The following PCBP2 variants were observed in gnomAD, a reference collection of about 807,000 sequenced individuals.
PCBP2 encodes the protein poly(rC)-binding protein 2.
In PCBP2, 4 loss-of-function variants were observed where a neutral mutation model predicts 50.1. The observed-to-expected ratio is 0.08, with a 90% CI of 0.04 to 0.18. PCBP2 has a LOEUF of 0.18. PCBP2 is among the 10% of genes least tolerant of loss of function. PCBP2 has a pLI of 1.00. For synonymous variants in PCBP2, 179 were observed against 168.0 expected (o/e 1.07, Z -0.51); for missense variants, 161 against 474.3 (o/e 0.34, Z 6.14).
intron 10 of PCBP2, among the ~76,000 whole-genome samples, chr12:53,466,195 C>T (rs982175415): frequency 6.6e-6 from 1 of 152,234 alleles, no homozygotes; most frequent in Non-Finnish European, 1.5e-5. Flanking sequence ...AGCACATTAG[C>T]TTCTCCTTTC....
intron 6 of PCBP2, chr12:53,459,867 C>T (rs1176348349): frequency 2.2e-6 from 1 of 454,340 alleles, no homozygotes; most frequent in East Asian, 7.0e-5. Flanking sequence ...CTCAGGCGAT[C>T]CTCTCATCTC....
chr12:53,463,794 C>T (rs777005964), intron 8 of PCBP2, among the ~76,000 whole-genome samples: 4 of 152,190 alleles, frequency 2.6e-5, no homozygotes, highest in Non-Finnish European at 5.9e-5. Flanking sequence ...TGGGGCTGGT[C>T]TGTTACAAGC....
intron 12 of PCBP2, chr12:53,468,241 C>T (rs1252956810): frequency 5.0e-6 from 1 of 200,934 alleles, no homozygotes; most frequent in African/African-American, 2.3e-5. Context: ...GAAGTCCCCT[C>T]ACCTGACTGC....
In PCBP2 at chr12:53,472,751, A is replaced by ATATG. The variant is rs774826746; in HGVS notation, c.1052+945_1052+948dup. Among the ~76,000 whole-genome samples, 5 of 152,244 alleles carry ATATG rather than the reference A, an allele frequency of 3.3e-5. No individual in the cohort carries two copies. The East Asian group carries it at 5.8e-4, about 18-fold the overall frequency. On this transcript the variant is annotated intron_variant, in intron 14 of 14. Transcript: ENST00000546463. ...TATTGTGCTTGTACTGACCATGTAT[A>ATATG]TATGCTATGGTTATTTAGTGCTAGC...
chr12:53,473,900 C>T (rs779554866), intron 14 of PCBP2, among the ~76,000 whole-genome samples: 3 of 151,828 alleles, frequency 2.0e-5, no homozygotes, highest in Non-Finnish European at 4.4e-5. Context: ...GTATCCCTTT[C>T]CTTTATGGAT....
chr12:53,465,475 G>A (rs1247735785), intron 9 of PCBP2, among the ~76,000 whole-genome samples: 1 of 152,134 alleles, frequency 6.6e-6, no homozygotes, highest in Admixed American at 6.6e-5. Context: ...GTTGGAGAAA[G>A]GGAAGTGTTT....
At position 53,452,331 on chromosome 12, in the gene PCBP2, CT is replaced by C; in HGVS notation, c.-119del. The C allele has an allele frequency of 6.9e-6, 1 of 144,774 alleles. No homozygotes were observed. The highest frequency in any genetic ancestry group is 2.6e-5 in the African/African-American group (1 of 38,888). 9.0% of individuals were successfully genotyped at this position (144,774 alleles called of 1,614,324 possible). A position where few individuals can be genotyped will look rare whatever the true frequency, so the allele number is the denominator to read the frequency against. ...CCGCCCCCGGCCTCCCGCCCTTCCC[CT>C]TCCCGCCCGCTCCCCTTTTCCCCTC... On this transcript the variant is annotated 5_prime_UTR_variant, in exon 1 of 15. Coordinates refer to ENST00000546463, the MANE Select transcript of PCBP2 (RefSeq NM_031989.5).
At position 53,480,415 on chromosome 12, in the gene PCBP2, G is replaced by A. The variant is rs547080417; in HGVS notation, c.*973G>A. On this transcript the variant is annotated 3_prime_UTR_variant, in exon 15 of 15. Coordinates refer to ENST00000546463, the MANE Select transcript of PCBP2 (RefSeq NM_031989.5). ...CAGGAGAACTTCTCCAGACACCTCA[G>A]ATAAAGTCCGGAGCCCAAGGCTTTA... 6.6e-6 allele frequency: 1 copy of A among 152,608 alleles called. No individual in the cohort carries two copies. Among genetic ancestry groups the A allele is most frequent in the Non-Finnish European group, 1.5e-5 (1 of 68,020 alleles). 9.5% of individuals were successfully genotyped at this position (152,608 alleles called of 1,614,324 possible). A position where few individuals can be genotyped will look rare whatever the true frequency, so the allele number is the denominator to read the frequency against.
intron 8 of PCBP2, among the ~76,000 whole-genome samples, chr12:53,462,808 TAA>T (rs1028114200): frequency 2.0e-5 from 3 of 152,170 alleles, no homozygotes; most frequent in Non-Finnish European, 2.9e-5. Context: ...GGTTAGAATA[TAA>T]GAGTTGAATT....
At chr12:53,474,950 C>T (rs1191173992) in intron 14 of PCBP2, 2 of 456,770 alleles carry the variant, frequency 4.4e-6, no homozygotes, top group Non-Finnish European at 8.8e-6. Flanking sequence ...CTCAACCCTC[C>T]ACCCCTTCTT....
rs915166186 is a variant in PCBP2 at position 53,480,888 on chromosome 12, C to G, written c.*1446C>G. 6 of 148,898 alleles carry G rather than the reference C, an allele frequency of 4.0e-5. No homozygotes were observed. The highest frequency in any genetic ancestry group is 4.0e-4 in the Admixed American group (6 of 14,892). The allele number at this position is 148,898 out of a possible 1,614,324, so 9.2% of individuals were successfully genotyped here. ...TATTTGGGGATAAAGAATATAAAGA[C>G]AACCCTGGCTTTTCTATTGCCTTGT... On this transcript the variant is annotated 3_prime_UTR_variant, in exon 15 of 15. Transcript: ENST00000546463.
rs1298485642 is a variant in PCBP2, at chr12:53,454,788, A to G, written c.-13A>G. 6.2e-7 allele frequency: 1 copy of G among 1,613,538 alleles called. No individual in the cohort carries two copies. The stretch of plus-strand genomic sequence containing the variant: ...GACCACTCAAAGTCCAGCTCCCCAG[A>G]ACACTGCTCGACATGGACACCGGTG... On this transcript the variant is annotated 5_prime_UTR_variant, in exon 2 of 15. Transcript: ENST00000546463.
At position 53,463,196 on chromosome 12, in the gene PCBP2, A is replaced by G. The variant is rs530055232; in HGVS notation, c.579+629A>G. On this transcript the variant is annotated intron_variant, in intron 8 of 14. Coordinates refer to ENST00000546463, the MANE Select transcript of PCBP2 (RefSeq NM_031989.5). ...TGCCGTGACCTTTGGTGTTAGAGTA[A>G]GAACACCAAAGCACCACCGTGGCCT... Among the ~76,000 whole-genome samples, 26 of 152,256 alleles carry G rather than the reference A, an allele frequency of 1.7e-4. No individual in the cohort carries two copies. The South Asian group carries it at 4.4e-3, about 26-fold the overall frequency.
chr12:53,469,760 CTTTTTTTTTTT>C (rs71444805), intron 13 of PCBP2, among the ~76,000 whole-genome samples: 1 of 114,172 alleles, frequency 8.8e-6, no homozygotes, highest in Non-Finnish European at 1.7e-5. Context: ...ACATTTGCTG[CTTTTTTTTTTT>C]TTTTTTTTGA....
chr12:53,459,807 T>C (rs775076550), intron 6 of PCBP2: 1 of 440,216 alleles, frequency 2.3e-6, no homozygotes, highest in South Asian at 1.6e-5. Flanking sequence ...CAGGCTGGAG[T>C]GCAGTGGCGC....
chr12:53,464,952 C>T (rs747216651), intron 9 of PCBP2, 100 bp downstream of exon 9: 54 of 1,392,706 alleles, frequency 3.9e-5, no homozygotes, highest in Non-Finnish European at 4.8e-5. Context: ...ATTTTTGGTG[C>T]TGTGGACACC....
intron 1 of PCBP2, among the ~76,000 whole-genome samples, chr12:53,454,027 A>G (rs1940797349): frequency 6.6e-6 from 1 of 152,346 alleles, no homozygotes; most frequent in African/African-American, 2.4e-5. Context: ...AAACATCTCA[A>G]ATCTGAGTAA....
chr12:53,455,603 T>C, intron 4 of PCBP2, 110 bp downstream of exon 4: 9 of 1,166,146 alleles, frequency 7.7e-6, no homozygotes, highest in Non-Finnish European at 1.1e-5. Context: ...AAATATGTAT[T>C]TTTTTTCGGC....
chr12:53,478,940 T>A (rs1942858093), intron 14 of PCBP2, among the ~76,000 whole-genome samples: 1 of 152,192 alleles, frequency 6.6e-6, no homozygotes, highest in African/African-American at 2.4e-5. Context: ...TCCAGGGCTT[T>A]AAAGTAAAGG....
Sources: gnomAD v4.1 joint callset for allele counts (sites outside exome capture counted in the v4.1 genomes callset) on GRCh38, gnomAD v4.1.1 for gene constraint, MANE v1.5 for transcripts, NCBI Gene and HGNC (gene_info 2026-07-23, HGNC 2026-07-21) for gene names.